Variants in CELSR1 observed in about 807,000 individuals in gnomAD.
The protein encoded by CELSR1 is cadherin EGF LAG seven-pass G-type receptor 1, also known as adhesion G protein-coupled receptor C1.
In CELSR1, 110 loss-of-function variants were observed where a neutral mutation model predicts 249.1. The observed-to-expected ratio is 0.44, with a 90% CI of 0.38 to 0.52. The LOEUF (loss-of-function observed/expected upper bound fraction) is 0.52. CELSR1 is among the 20% of genes least tolerant of loss of function. The probability of loss-of-function intolerance (pLI) is 0.00; values close to 1 mark genes in which losing one functional copy is unlikely to be tolerated. For synonymous variants in CELSR1, 2,113 were observed against 1,900.0 expected (o/e 1.11, Z -2.92); for missense variants, 4,109 against 4,296.4 (o/e 0.96, Z 1.22).
chr22:46,396,963 G>A lies in CELSR1; in HGVS notation c.5702-217C>T, dbSNP rs2079154642. On this transcript the variant is annotated intron_variant, in intron 12 of 34. Transcript: ENST00000674500. This position sits in a 1 kb window ranked among gnomAD's most constrained non-coding sequence, Gnocchi z 6.4. ...GGCCTTCCCGGGCTGCCCCAAGGAG[G>A]GTGAGAGCCTTGGAACACGGGGCCC... Among the ~76,000 whole-genome samples, 5 of 152,088 alleles carry A rather than the reference G, an allele frequency of 3.3e-5. No individual in the cohort carries two copies. Among genetic ancestry groups the A allele is most frequent in the Admixed American group, 2.6e-4 (4 of 15,268 alleles).
Position 46,464,419 on chromosome 22 carries a change from G to A in CELSR1, c.3545-74C>T, listed in dbSNP as rs3747252. 7,344 of 1,486,050 alleles carry A rather than the reference G, an allele frequency of 4.9e-3. 346 individuals are homozygous for A. The African/African-American group carries it at 0.093, about 19-fold the overall frequency. The allele number at this position is 1,486,050 out of a possible 1,614,324, so 92.1% of individuals were successfully genotyped here. A position where few individuals can be genotyped will look rare whatever the true frequency, so the allele number is the denominator to read the frequency against. On this transcript the variant is annotated intron_variant, in intron 1 of 34. Transcript: ENST00000674500. This position sits in a 1 kb window ranked among gnomAD's most constrained non-coding sequence, Gnocchi z 8.5. ...AGGTCCTATAGGCCCCATCCCAGGA[G>A]CAGCCTCAGGCATGCTTGGCAAAGG...
intron 1 of CELSR1, among the ~76,000 whole-genome samples, chr22:46,510,309 C>T (rs918483884): frequency 2.0e-5 from 3 of 152,168 alleles, no homozygotes; most frequent in African/African-American, 7.2e-5. Context: ...GAACACACCC[C>T]CTTCCTGAGC....
chr22:46,367,427 G>A (rs112817104), intron 28 of CELSR1, among the ~76,000 whole-genome samples: 1,589 of 152,336 alleles, frequency 0.01, 32 homozygotes, highest in African/African-American at 0.036. Flanking sequence ...CCACTGTGTC[G>A]TAAGTCCACT....
In CELSR1 at chr22:46,536,217, C is replaced by T. The variant is rs752568738; in HGVS notation, c.954G>A (p.Thr318=). 2.5e-6 allele frequency: 4 copies of T among 1,612,518 alleles called. No homozygotes were observed. The highest frequency in any genetic ancestry group is 4.5e-5 in the East Asian group (2 of 44,878). The part of the protein sequence containing the change: ...DSVLDRETKE[T]HVLRVKAVDY... Reference sequence around the variant, plus strand: ...CCACGGCTTTCACCCTGAGGACGTGCGTCTCCTTGGTCTCGCGGTCCAGTA... The same window carrying T: ...CCACGGCTTTCACCCTGAGGACGTGTGTCTCCTTGGTCTCGCGGTCCAGTA... The change falls in exon 1 of 35, where the codon ACG becomes ACA. Residue 318 remains threonine (T), a synonymous_variant. Coordinates refer to ENST00000674500, the MANE Select transcript of CELSR1 (RefSeq NM_001378328.1).
chr22:46,410,320 G>T lies in CELSR1; in HGVS notation c.4933+78C>A. Reference sequence around the variant, plus strand: ...AACACGGCTCCCCAGGGATCTGCAAGCAGTGACCTCTGTGTGGCTGCCGAC... The same window carrying T: ...AACACGGCTCCCCAGGGATCTGCAATCAGTGACCTCTGTGTGGCTGCCGAC... On this transcript the variant is annotated intron_variant, in intron 7 of 34. Coordinates refer to ENST00000674500, the MANE Select transcript of CELSR1 (RefSeq NM_001378328.1). The surrounding 1 kb of genome is among the most constrained non-coding windows in gnomAD (Gnocchi z 6.8). 6.5e-7 allele frequency: 1 copy of T among 1,544,430 alleles called. No individual in the cohort carries two copies. Among genetic ancestry groups the T allele is most frequent in the Non-Finnish European group, 8.9e-7 (1 of 1,125,464 alleles).
At chr22:46,458,674 C>T (rs1210936796) in intron 2 of CELSR1, among the ~76,000 whole-genome samples, 1 of 152,166 alleles carries the variant, frequency 6.6e-6, no homozygotes, top group Non-Finnish European at 1.5e-5. Context: ...CTGACCCTCC[C>T]AGGAGCAGCT....
At chr22:46,419,087 G>T (rs953479411) in intron 5 of CELSR1, among the ~76,000 whole-genome samples, 1 of 152,212 alleles carries the variant, frequency 6.6e-6, no homozygotes, top group Admixed American at 6.5e-5. Context: ...CCAGACCCTG[G>T]ACCAAAGCCC....
chr22:46,533,018 C>A (rs1422495129), intron 1 of CELSR1, among the ~76,000 whole-genome samples: 1 of 152,180 alleles, frequency 6.6e-6, no homozygotes, highest in Non-Finnish European at 1.5e-5. Context: ...TACAAGCCCG[C>A]ATCCAGGAGC....
Position 46,454,973 on chromosome 22 carries a change from G to A in CELSR1, c.4183+8734C>T, listed in dbSNP as rs964325673. Among the ~76,000 whole-genome samples the A allele has an allele frequency of 3.9e-5, 6 of 152,206 alleles. No homozygotes were observed. Among genetic ancestry groups the A allele is most frequent in the African/African-American group, 1.4e-4 (6 of 41,448 alleles). ...ATCGACTTAGGATGAGATCATTAGGGTGGGTCCTAATCCAGTGACCGGTGT... is the reference window on the plus strand; with the variant it reads ...ATCGACTTAGGATGAGATCATTAGGATGGGTCCTAATCCAGTGACCGGTGT... On this transcript the variant is annotated intron_variant, in intron 2 of 34. Coordinates refer to ENST00000674500, the MANE Select transcript of CELSR1 (RefSeq NM_001378328.1). The surrounding 1 kb of genome is among the most constrained non-coding windows in gnomAD (Gnocchi z 5.1).
At position 46,534,050 on chromosome 22, in the gene CELSR1, C is replaced by T; in HGVS notation, c.3121G>A (p.Gly1041Arg). 1 of 1,613,786 alleles carries T rather than the reference C, an allele frequency of 6.2e-7. No homozygotes were observed. The highest frequency in any genetic ancestry group is 8.5e-7 in the Non-Finnish European group (1 of 1,180,034). The change falls in exon 1 of 35, where the codon GGG (glycine) becomes AGG (arginine). Residue 1041 changes from glycine (G) to arginine (R), a missense_variant. Physicochemically the swap from Gly to Arg is moderately radical, Grantham distance 125. Transcript: ENST00000674500. This position sits in a 1 kb window ranked among gnomAD's most constrained non-coding sequence, Gnocchi z 9.7. ...AGCTGGAAGAAATGCCGCATGTCCC[C>T]TTCCACAATCTGATACATGATCTGG... Reference protein sequence around the residue: ...NAQIMYQIVEGDMRHFFQLDL... With the variant: ...NAQIMYQIVERDMRHFFQLDL...
rs185727873 is a variant in CELSR1 at position 46,516,243 on chromosome 22, G to A, written c.3544+17384C>T. On this transcript the variant is annotated intron_variant, in intron 1 of 34. Transcript: ENST00000674500. ...CAATGATAGACTGGATTAAGAAAATGTGGCACATATACACCATGGAATACT... is the reference window on the plus strand; with the variant it reads ...CAATGATAGACTGGATTAAGAAAATATGGCACATATACACCATGGAATACT... Among the ~76,000 whole-genome samples, 1,043 of 152,296 alleles carry A rather than the reference G, an allele frequency of 6.8e-3. 8 individuals carry two copies. The highest frequency in any genetic ancestry group is 0.013 in the Non-Finnish European group (854 of 68,024).
intron 29 of CELSR1, 70 bp downstream of exon 29, chr22:46,366,923 C>G (rs541697519): frequency 6.5e-7 from 1 of 1,534,942 alleles, no homozygotes; most frequent in Non-Finnish European, 8.8e-7. Context: ...GGCTGAGGCT[C>G]GATCACCCTC....
chr22:46,364,773 C>A, intron 32 of CELSR1, 37 bp from the exon 33 acceptor site: 1 of 1,581,368 alleles, frequency 6.3e-7, no homozygotes. Flanking sequence ...GGCAGCGGCA[C>A]TGCCACTCGA....
rs935632440 is a variant in CELSR1, at chr22:46,536,811, G to A, written c.360C>T (p.Leu120=). ...HLPGCGARAR[L]CGTGARLCGA... ...CGCAGAGCCGGGCACCGGTTCCGCA[G>A]AGCCGGGCACGGGCTCCGCAGCCGG... Residue 120 remains leucine (L), a synonymous_variant, in exon 1 of 35, where the codon CTC becomes CTT. Transcript: ENST00000674500. The A allele has an allele frequency of 8.3e-7, 1 of 1,202,482 alleles. No homozygotes were observed. Among genetic ancestry groups the A allele is most frequent in the South Asian group, 3.3e-5 (1 of 30,720 alleles). 74.5% of individuals were successfully genotyped at this position (1,202,482 alleles called of 1,614,324 possible).
intron 14 of CELSR1, among the ~76,000 whole-genome samples, chr22:46,392,355 C>T (rs78675510): frequency 0.013 from 2,010 of 152,228 alleles, 47 homozygotes; most frequent in African/African-American, 0.046. Context: ...CCCCGGAAAA[C>T]GGGGCAGGCT....
chr22:46,409,869 G>A lies in CELSR1; in HGVS notation c.4945C>T (p.Arg1649Trp), dbSNP rs192774188. 35 of 1,613,182 alleles carry A rather than the reference G, an allele frequency of 2.2e-5. No homozygotes were observed. Among genetic ancestry groups the A allele is most frequent in the Middle Eastern group, 1.6e-4 (1 of 6,062 alleles). The change falls in exon 8 of 35, where the codon CGG (arginine) becomes TGG (tryptophan). Residue 1649 changes from arginine to tryptophan, a missense_variant. By Grantham distance (101) the Arg-to-Trp change is moderately radical. Transcript: ENST00000674500. The surrounding 1 kb of genome is among the most constrained non-coding windows in gnomAD (Gnocchi z 9.8). ...NNGTREGCAA[R>W]RNFCDGRRCQ... ...CGCCTCCCATCGCAGAAGTTCCTCC[G>A]AGCAGCGCAGCCTGGCAACACAGAG... is the stretch of plus-strand genomic sequence containing the variant.
chr22:46,382,335 T>C (rs1371415036), intron 20 of CELSR1, among the ~76,000 whole-genome samples: 3 of 152,184 alleles, frequency 2.0e-5, no homozygotes, highest in Non-Finnish European at 2.9e-5. Flanking sequence ...TGGAGTGCAG[T>C]GGCGCCATCT....
chr22:46,415,943 G>GA (rs1408323658), intron 5 of CELSR1, among the ~76,000 whole-genome samples: 2 of 152,256 alleles, frequency 1.3e-5, no homozygotes, highest in Non-Finnish European at 2.9e-5. Flanking sequence ...CGTCTCCGCT[G>GA]AAAGGCCGGC....
chr22:46,451,932 G>A (rs2079890045), intron 2 of CELSR1, among the ~76,000 whole-genome samples: 1 of 152,178 alleles, frequency 6.6e-6, no homozygotes, highest in Non-Finnish European at 1.5e-5. Context: ...TGAGAAGCAA[G>A]GGGAAGGGCT....
Sources: gnomAD v4.1 joint callset for allele counts (sites outside exome capture counted in the v4.1 genomes callset) on GRCh38, gnomAD v4.1.1 for gene constraint, Gnocchi (gnomAD v3.1) non-coding constraint, MANE v1.5 for transcripts, NCBI Gene and HGNC (gene_info 2026-07-23, HGNC 2026-07-21) for gene names.